The following PRKG1 variants were observed in gnomAD, a reference collection of about 807,000 sequenced individuals.
PRKG1 encodes the protein protein kinase cGMP-dependent 1.
PRKG1 carries 35 observed loss-of-function variants against 88.1 expected under a neutral mutation model. The observed-to-expected ratio is 0.40, with a 90% confidence interval of 0.30 to 0.53. The LOEUF is 0.53. Among genes scored for constraint, PRKG1 ranks in the 20% least tolerant of loss-of-function variants. PRKG1 has a pLI of 0.59. For synonymous variants in PRKG1, 303 were observed against 292.5 expected (o/e 1.04, Z -0.37); for missense variants, 540 against 839.8 (o/e 0.64, Z 4.41).
chr10:51,589,684 T>C (rs769358153), intron 3 of PRKG1, among the ~76,000 whole-genome samples: 9 of 152,176 alleles, frequency 5.9e-5, no homozygotes, highest in Non-Finnish European at 1.2e-4. Flanking sequence ...CAGTATAAAA[T>C]GGATATTTAC....
intron 8 of PRKG1, among the ~76,000 whole-genome samples, chr10:52,142,664 A>G (rs902482221): frequency 6.6e-6 from 1 of 152,174 alleles, no homozygotes; most frequent in African/African-American, 2.4e-5. Flanking sequence ...TCCTGGCTAA[A>G]TATTTGGAAT....
At chr10:51,182,880 T>C (rs1005322474) in intron 2 of PRKG1, among the ~76,000 whole-genome samples, 3 of 152,196 alleles carry the variant, frequency 2.0e-5, no homozygotes, top group African/African-American at 7.2e-5. Flanking sequence ...AGCTTTGTTT[T>C]ATCCTTGCTC....
chr10:51,561,997 C>T (rs1554821834), intron 3 of PRKG1, among the ~76,000 whole-genome samples: 1 of 151,832 alleles, frequency 6.6e-6, no homozygotes, highest in Non-Finnish European at 1.5e-5. Context: ...CCAAGGCAGG[C>T]AGATCATCTG....
chr10:51,583,937 G>T (rs569969036), intron 3 of PRKG1, among the ~76,000 whole-genome samples: 1 of 151,966 alleles, frequency 6.6e-6, no homozygotes, highest in Non-Finnish European at 1.5e-5. Flanking sequence ...TTGAGCTAAG[G>T]CTTTGCAAAT....
intron 9 of PRKG1, among the ~76,000 whole-genome samples, chr10:52,221,051 C>T (rs1312153728): frequency 6.7e-6 from 1 of 148,924 alleles, no homozygotes. Context: ...TCCACAACCC[C>T]ACCCGCATCT....
chr10:51,494,121 C>T (rs1234681056), intron 3 of PRKG1, among the ~76,000 whole-genome samples: 1 of 152,062 alleles, frequency 6.6e-6, no homozygotes, highest in Admixed American at 6.5e-5. Flanking sequence ...AGTGCACTGG[C>T]AGAATCATAG....
intron 2 of PRKG1, among the ~76,000 whole-genome samples, chr10:51,269,035 CA>C (rs1258090443): frequency 6.6e-6 from 1 of 152,018 alleles, no homozygotes; most frequent in Non-Finnish European, 1.5e-5. Flanking sequence ...AAGGAAAAAA[CA>C]ATCCTATCAA....
chr10:51,980,984 C>T (rs988320404), intron 5 of PRKG1, among the ~76,000 whole-genome samples: 1 of 152,058 alleles, frequency 6.6e-6, no homozygotes, highest in Admixed American at 6.5e-5. Context: ...TGTTTACATT[C>T]AAGGTTAATA....
chr10:51,958,281 A>G (rs1262402089), intron 5 of PRKG1, among the ~76,000 whole-genome samples: 1 of 152,120 alleles, frequency 6.6e-6, no homozygotes, highest in African/African-American at 2.4e-5. Context: ...ATGAAAAAAC[A>G]AGTCAAGAAA....
At chr10:52,157,306 G>GAGATAGATAT (rs1289803162) in intron 8 of PRKG1, among the ~76,000 whole-genome samples, 3 of 125,936 alleles carry the variant, frequency 2.4e-5, no homozygotes, top group African/African-American at 8.6e-5. Context: ...TGAGTTAGTT[G>GAGATAGATAT]ATATATATAT....
chr10:51,288,307 C>T (rs1285849839), intron 2 of PRKG1, among the ~76,000 whole-genome samples: 1 of 151,902 alleles, frequency 6.6e-6, no homozygotes, highest in Non-Finnish European at 1.5e-5. Flanking sequence ...TATTGTTATG[C>T]ACTGAAAGAG....
intron 9 of PRKG1, among the ~76,000 whole-genome samples, chr10:52,171,444 A>G (rs1042147784): frequency 6.6e-6 from 1 of 152,172 alleles, no homozygotes; most frequent in Admixed American, 6.5e-5. Flanking sequence ...CCATTTTCTC[A>G]GCAATAAAAA....
intron 2 of PRKG1, among the ~76,000 whole-genome samples, chr10:51,363,824 G>A (rs903912668): frequency 1.2e-4 from 18 of 151,876 alleles, no homozygotes; most frequent in African/African-American, 4.1e-4. Flanking sequence ...CCACGTCAAC[G>A]TAAGGTTTTT....
intron 5 of PRKG1, among the ~76,000 whole-genome samples, chr10:51,956,993 CTCTTTCTCTT>C (rs2133063213): frequency 6.7e-6 from 1 of 148,980 alleles, no homozygotes; most frequent in East Asian, 2.0e-4. Flanking sequence ...TCTTTCTTTC[CTCTTTCTCTT>C]TCTTTCTCTC....
intron 5 of PRKG1, among the ~76,000 whole-genome samples, chr10:52,032,476 T>A (rs1845497125): frequency 6.6e-6 from 1 of 152,176 alleles, no homozygotes; most frequent in Admixed American, 6.6e-5. Flanking sequence ...CTGTCTAGCT[T>A]GTGATAAATG....
At chr10:52,266,186 T>TTTA (rs60451262) in intron 10 of PRKG1, among the ~76,000 whole-genome samples, 58,515 of 149,066 alleles carry the variant, frequency 0.39, 12,361 homozygotes, top group Middle Eastern at 0.51. Context: ...ATATTAATGC[T>TTTA]TTATTATTAT....
intron 2 of PRKG1, among the ~76,000 whole-genome samples, chr10:51,447,328 G>A (rs1225747033): frequency 6.6e-6 from 1 of 152,010 alleles, no homozygotes; most frequent in Non-Finnish European, 1.5e-5. Context: ...CCCAGTGACT[G>A]TATATTCAGC....
At chr10:51,660,546 A>G (rs970693993) in intron 3 of PRKG1, among the ~76,000 whole-genome samples, 2 of 152,120 alleles carry the variant, frequency 1.3e-5, no homozygotes, top group African/African-American at 2.4e-5. Context: ...CTAATTACGA[A>G]AAGCTTATAG....
chr10:51,400,009 T>C (rs1019398567), intron 2 of PRKG1, among the ~76,000 whole-genome samples: 5 of 152,200 alleles, frequency 3.3e-5, no homozygotes, highest in Admixed American at 2.0e-4. Context: ...CCAGACTTCA[T>C]TGGCAATTGT....
Sources: allele counts gnomAD v4.1 joint callset (sites outside exome capture counted in the v4.1 genomes callset), GRCh38; gene constraint gnomAD v4.1.1; transcripts MANE v1.5; gene names NCBI Gene and HGNC (gene_info 2026-07-23, HGNC 2026-07-21).